Variants in SHC4 observed in about 807,000 individuals in gnomAD.
The protein encoded by SHC4 is SHC-transforming protein 4.
SHC4 carries 41 observed loss-of-function variants against 69.4 expected under a neutral mutation model. The observed-to-expected ratio is 0.59, with a 90% CI of 0.46 to 0.77. SHC4 has a LOEUF of 0.77. Ranked by LOEUF, SHC4 falls within the 30% of genes least tolerant of loss-of-function variation. SHC4 has a pLI of 0.00. For missense variants in SHC4, 777 were observed against 783.8 expected (o/e 0.99, Z 0.10); for synonymous variants, 318 against 299.3 (o/e 1.06, Z -0.64).
At position 48,857,826 on chromosome 15, in the gene SHC4, A is replaced by G; in HGVS notation, c.947-11T>C. On this transcript the variant is annotated splice_polypyrimidine_tract_variant and intron_variant, in intron 6 of 11. Coordinates refer to ENST00000332408, the MANE Select transcript of SHC4 (RefSeq NM_203349.4). The stretch of plus-strand genomic sequence containing the variant: ...CCAATATGTGACAGGCTGCAAGAGG[A>G]CATACAAAAAATAATATTATAATAA... 1 of 1,496,742 alleles carries G rather than the reference A, an allele frequency of 6.7e-7. No homozygotes were observed. The highest frequency in any genetic ancestry group is 8.9e-7 in the Non-Finnish European group (1 of 1,124,220). The allele number at this position is 1,496,742 out of a possible 1,614,324, so 92.7% of individuals were successfully genotyped here.
intron 3 of SHC4, among the ~76,000 whole-genome samples, chr15:48,887,382 C>T (rs1900053771): frequency 6.6e-6 from 1 of 152,150 alleles, no homozygotes; most frequent in Non-Finnish European, 1.5e-5. Flanking sequence ...CTTAACCTCT[C>T]AGGGCCCCAG....
intron 2 of SHC4, among the ~76,000 whole-genome samples, chr15:48,897,265 A>C (rs890196382): frequency 6.6e-6 from 1 of 152,168 alleles, no homozygotes; most frequent in Non-Finnish European, 1.5e-5. Context: ...ATGAGAGAGA[A>C]GGGGAGAAGT....
chr15:48,936,785 T>A (rs1901079074), intron 1 of SHC4, among the ~76,000 whole-genome samples: 1 of 152,188 alleles, frequency 6.6e-6, no homozygotes, highest in African/African-American at 2.4e-5. Context: ...CTGAAAAAAG[T>A]ACTGGTCATC....
rs544216511 is a variant in SHC4 at position 48,937,576 on chromosome 15, A to G, written c.586-12627T>C. Among the ~76,000 whole-genome samples, 6 of 144,108 alleles carry G rather than the reference A, an allele frequency of 4.2e-5. No homozygotes were observed. The East Asian group carries it at 1.2e-3, about 30-fold the overall frequency. 94.5% of individuals were successfully genotyped at this position (144,108 alleles called of 152,430 possible). On this transcript the variant is annotated intron_variant, in intron 1 of 11. Transcript: ENST00000332408. Reference sequence around the variant, plus strand: ...TATATAGAAGATAGTACTCTATCACACAGACACATAGATAGATAGATAGAT... The same window carrying G: ...TATATAGAAGATAGTACTCTATCACGCAGACACATAGATAGATAGATAGAT...
Position 48,843,209 on chromosome 15 carries a change from A to G in SHC4, c.1483+200T>C, listed in dbSNP as rs144225308. On this transcript the variant is annotated intron_variant, in intron 10 of 11. Coordinates refer to ENST00000332408, the MANE Select transcript of SHC4 (RefSeq NM_203349.4). ...ATGTGTCTACAAGCCAAGGGACATC[A>G]AGAATTGCCAGCAGCCACCAGAAGC... Among the ~76,000 whole-genome samples, 11 of 152,312 alleles carry G rather than the reference A, an allele frequency of 7.2e-5. No homozygotes were observed. In the East Asian group the frequency reaches 2.1e-3, roughly 29 times the overall value.
chr15:48,959,771 T>C (rs1304540324), intron 1 of SHC4, among the ~76,000 whole-genome samples: 1 of 152,210 alleles, frequency 6.6e-6, no homozygotes, highest in Non-Finnish European at 1.5e-5. Flanking sequence ...AGCTTAGCAT[T>C]TCATTTTTCA....
intron 8 of SHC4, among the ~76,000 whole-genome samples, chr15:48,852,620 G>A (rs1404221244): frequency 6.6e-6 from 1 of 152,108 alleles, no homozygotes; most frequent in African/African-American, 2.4e-5. Flanking sequence ...TAAGAGGTAG[G>A]GCCAGGCGTG....
At position 48,826,092 on chromosome 15, in the gene SHC4, C is replaced by T. The variant is rs371294751; in HGVS notation, c.1772G>A (p.Gly591Asp). 139 of 1,613,178 alleles carry T rather than the reference C, an allele frequency of 8.6e-5. No homozygotes were observed. The African/African-American group carries it at 1.6e-3, about 19-fold the overall frequency. ...ATCCATATGGTATCTGATAAGGTGG[C>T]CGACATTATCAAATACATGATCCTT... ...RTKDHVFDNV[G>D]HLIRYHMDNS... is the part of the protein sequence containing the mutation. The change falls in exon 12 of 12, where the codon GGC (glycine) becomes GAC (aspartate). Residue 591 changes from glycine (G) to aspartate (D), a missense_variant. Coordinates refer to ENST00000332408, the MANE Select transcript of SHC4 (RefSeq NM_203349.4).
At chr15:48,934,800 T>C (rs1488940720) in intron 1 of SHC4, among the ~76,000 whole-genome samples, 1 of 152,192 alleles carries the variant, frequency 6.6e-6, no homozygotes, top group Non-Finnish European at 1.5e-5. Context: ...TGCTGCAGCA[T>C]GAATGAACTT....
intron 4 of SHC4, chr15:48,876,599 G>A (rs1395574734): frequency 1.4e-6 from 1 of 698,528 alleles, no homozygotes; most frequent in Admixed American, 2.0e-5. Context: ...AGAGAGGAGA[G>A]CCAGTCCGAG....
In SHC4 at chr15:48,860,446, G is replaced by C. The variant is rs543081208; in HGVS notation, c.947-2631C>G. On this transcript the variant is annotated intron_variant, in intron 6 of 11. Coordinates refer to ENST00000332408, the MANE Select transcript of SHC4 (RefSeq NM_203349.4). Reference sequence around the variant, plus strand: ...CACTTGAACCTGGGAGGCAGAGGTTGCAGTGGGCCAAGATGGCGTCATTGC... The same window carrying C: ...CACTTGAACCTGGGAGGCAGAGGTTCCAGTGGGCCAAGATGGCGTCATTGC... 1.8e-4 allele frequency among the ~76,000 whole-genome samples: 27 copies of C among 152,264 alleles called. No individual in the cohort carries two copies. In the East Asian group the frequency reaches 4.6e-3, roughly 26 times the overall value.
chr15:48,946,966 G>A (rs544753727), intron 1 of SHC4, among the ~76,000 whole-genome samples: 18 of 152,110 alleles, frequency 1.2e-4, no homozygotes, highest in Non-Finnish European at 2.6e-4. Flanking sequence ...CTGAGAGTCC[G>A]GTATTATGTA....
At chr15:48,858,797 G>A (rs1353507610) in intron 6 of SHC4, among the ~76,000 whole-genome samples, 2 of 152,144 alleles carry the variant, frequency 1.3e-5, no homozygotes, top group Non-Finnish European at 2.9e-5. Flanking sequence ...AGGAACATTG[G>A]GATAACCAGA....
chr15:48,863,879 C>G (rs1000199260), intron 6 of SHC4, among the ~76,000 whole-genome samples: 3 of 151,930 alleles, frequency 2.0e-5, no homozygotes, highest in African/African-American at 7.3e-5. Flanking sequence ...GGTAATCTTA[C>G]GAAAACCGCC....
At chr15:48,936,048 G>C (rs934385736) in intron 1 of SHC4, among the ~76,000 whole-genome samples, 6 of 152,026 alleles carry the variant, frequency 3.9e-5, no homozygotes, top group Non-Finnish European at 8.8e-5. Flanking sequence ...TTGGCTATCT[G>C]TCTCCCCTAC....
chr15:48,962,028 A>G (rs1379946882), intron 1 of SHC4, among the ~76,000 whole-genome samples: 1 of 152,252 alleles, frequency 6.6e-6, no homozygotes. Context: ...TACTGTATTC[A>G]TCCAAAATAC....
intron 1 of SHC4, among the ~76,000 whole-genome samples, chr15:48,958,618 A>G (rs1237063137): frequency 6.6e-6 from 1 of 152,188 alleles, no homozygotes; most frequent in Non-Finnish European, 1.5e-5. Flanking sequence ...GGAACCCTAC[A>G]TTCATTAAAT....
chr15:48,897,187 C>A (rs1397279606), intron 2 of SHC4, among the ~76,000 whole-genome samples: 1 of 152,032 alleles, frequency 6.6e-6, no homozygotes, highest in East Asian at 1.9e-4. Context: ...TCCTGGGAGC[C>A]TGTATTAGAA....
chr15:48,882,280 G>T (rs976092473), intron 4 of SHC4, among the ~76,000 whole-genome samples: 1 of 152,032 alleles, frequency 6.6e-6, no homozygotes, highest in South Asian at 2.1e-4. Context: ...CTGCAGGAAA[G>T]CTCAAAATAG....
Sources: allele counts gnomAD v4.1 joint callset (sites outside exome capture counted in the v4.1 genomes callset), GRCh38; gene constraint gnomAD v4.1.1; transcripts MANE v1.5; gene names NCBI Gene and HGNC (gene_info 2026-07-23, HGNC 2026-07-21).